RRP12: variants seen among roughly 807,000 people sequenced by gnomAD.
RRP12 encodes the protein ribosomal RNA processing 12 homolog, also known as RRP12-like protein.
A neutral mutation model predicts 157.3 loss-of-function variants in RRP12; 78 were observed. The observed-to-expected ratio is 0.50, with a 90% CI of 0.41 to 0.60. The LOEUF (loss-of-function observed/expected upper bound fraction) is 0.60. Among genes scored for constraint, RRP12 ranks in the 20% least tolerant of loss-of-function variants. The pLI, the probability that RRP12 is intolerant of heterozygous loss-of-function variation, is 0.00. For missense variants in RRP12, 1,521 were observed against 1,679.9 expected (o/e 0.91, Z 1.65); for synonymous variants, 726 against 670.9 (o/e 1.08, Z -1.27).
chr10:97,357,269 C>T, intron 33 of RRP12, 73 bp from the exon 34 acceptor site: 2 of 959,218 alleles, frequency 2.1e-6, no homozygotes, highest in Middle Eastern at 2.2e-4. Context: ...CAAATGATGG[C>T]TCACCCCCAG....
At chr10:97,358,726 G>GTCATATCCAAGAAA in intron 32 of RRP12, 107 bp from the exon 33 acceptor site, 1 of 934,258 alleles carries the variant, frequency 1.1e-6, no homozygotes, top group Non-Finnish European at 1.7e-6. Context: ...TGCCTTAGGT[G>GTCATATCCAAGAAA]GTGCCAAAGA....
intron 15 of RRP12, among the ~76,000 whole-genome samples, chr10:97,376,876 CTTTTCTTTT>C (rs1844323169): frequency 6.7e-6 from 1 of 150,220 alleles, no homozygotes; most frequent in Non-Finnish European, 1.5e-5. Context: ...CAATTTCTTT[CTTTTCTTTT>C]TTTTTTTTTT....
chr10:97,372,819 G>C lies in RRP12; in HGVS notation c.2182-16C>G. The stretch of plus-strand genomic sequence containing the variant: ...TGTTCACCAACTTGTGGCCCCGAGG[G>C]AATGAGGAGAAGAGAGTCATTGGGG... On this transcript the variant is annotated splice_polypyrimidine_tract_variant and intron_variant, in intron 18 of 33. Coordinates refer to ENST00000370992, the MANE Select transcript of RRP12 (RefSeq NM_015179.4). 6.4e-7 allele frequency: 1 copy of C among 1,556,544 alleles called. No homozygotes were observed. Among genetic ancestry groups the C allele is most frequent in the Non-Finnish European group, 8.7e-7 (1 of 1,149,266 alleles).
intron 15 of RRP12, 111 bp from the exon 16 acceptor site, chr10:97,374,005 TC>T (rs1844235023): frequency 3.9e-6 from 3 of 764,510 alleles, no homozygotes; most frequent in Non-Finnish European, 4.5e-6. Context: ...ATGGGTGACT[TC>T]CCCCCATCTC....
intron 2 of RRP12, 50 bp downstream of exon 2, chr10:97,400,254 TG>T (rs1845102140): frequency 7.4e-7 from 1 of 1,359,656 alleles, no homozygotes; most frequent in South Asian, 1.2e-5. Flanking sequence ...AGAAAAGGCA[TG>T]AGTTGGCCTC....
intron 25 of RRP12, among the ~76,000 whole-genome samples, chr10:97,368,530 G>C (rs886826397): frequency 6.7e-6 from 1 of 150,294 alleles, no homozygotes; most frequent in African/African-American, 2.5e-5. Flanking sequence ...GCTAATTTTT[G>C]TATTTTTAGT....
chr10:97,379,825 T>A (rs1311487557), intron 13 of RRP12, 55 bp from the exon 14 acceptor site: 2 of 1,537,122 alleles, frequency 1.3e-6, no homozygotes, highest in Non-Finnish European at 8.8e-7. Context: ...CAGGGACCCA[T>A]GACAAGACCC....
At chr10:97,376,711 AT>A (rs1019814998) in intron 15 of RRP12, among the ~76,000 whole-genome samples, 8 of 152,024 alleles carry the variant, frequency 5.3e-5, no homozygotes, top group African/African-American at 1.9e-4. Context: ...CAGAGCACCC[AT>A]CCCCCAACGG....
chr10:97,365,312 C>T (rs1461126899), intron 29 of RRP12, among the ~76,000 whole-genome samples: 3 of 139,414 alleles, frequency 2.2e-5, no homozygotes, highest in Admixed American at 1.6e-4. Flanking sequence ...TTCGCTCTGT[C>T]ACCCAGGCTG....
At chr10:97,366,350 T>C in intron 28 of RRP12, 96 bp downstream of exon 28, 1 of 1,560,338 alleles carries the variant, frequency 6.4e-7, no homozygotes, top group Non-Finnish European at 8.7e-7. Context: ...GCCCTGTCCA[T>C]GGGCCTGCCA....
chr10:97,386,126 C>T (rs1197286647), intron 8 of RRP12, 133 bp from the exon 9 acceptor site: 1 of 602,600 alleles, frequency 1.7e-6, no homozygotes, highest in African/African-American at 1.9e-5. Flanking sequence ...CAGAGACACC[C>T]TGAGGACTGC....
intron 2 of RRP12, among the ~76,000 whole-genome samples, chr10:97,397,624 T>C (rs1845004399): frequency 6.6e-6 from 1 of 151,846 alleles, no homozygotes; most frequent in Non-Finnish European, 1.5e-5. Flanking sequence ...AACTTATAAA[T>C]ATCGTTCAGT....
In RRP12 at chr10:97,367,033, G is replaced by GCA. The variant is rs752814650; in HGVS notation, c.3047+6_3047+7dup. ...TGCCCTACCCCCGCCCCTGCTCAGT[G>GCA]CACAGACCCAAACTTGCGGATGAAC... On this transcript the variant is annotated splice_region_variant and intron_variant, in intron 26 of 33. Transcript: ENST00000370992. 3 of 1,613,934 alleles carry GCA rather than the reference G, an allele frequency of 1.9e-6. No individual in the cohort carries two copies. In the South Asian group the frequency reaches 3.3e-5, roughly 18 times the overall value.
intron 15 of RRP12, among the ~76,000 whole-genome samples, chr10:97,378,811 T>C (rs1844380766): frequency 6.6e-6 from 1 of 152,052 alleles, no homozygotes; most frequent in Non-Finnish European, 1.5e-5. Flanking sequence ...GAGCCGAGAT[T>C]GCGCCACTGT....
At chr10:97,358,749 T>C in intron 32 of RRP12, 130 bp from the exon 33 acceptor site, 1 of 833,280 alleles carries the variant, frequency 1.2e-6, no homozygotes, top group Non-Finnish European at 2.0e-6. Flanking sequence ...TCCTGTATCC[T>C]TGGAAGGCCA....
chr10:97,373,111 T>C lies in RRP12; in HGVS notation c.2116A>G (p.Thr706Ala), dbSNP rs373471520. 3.1e-6 allele frequency: 5 copies of C among 1,613,652 alleles called. No individual in the cohort carries two copies. The African/African-American group carries it at 6.7e-5, about 22-fold the overall frequency. ...AGCACAGCCCGGCGAGGGGCTGGAG[T>C]GTCCCCGGCTGCCACGGGCTGCCCA... ...LYGQPVAAGD[T>A]PAPRRAVLET... The change falls in exon 18 of 34, where the codon ACT becomes GCT. Residue 706 changes from threonine to alanine, a missense_variant. By Grantham distance (58) the Thr-to-Ala change is moderately conservative (BLOSUM62 0). Coordinates refer to ENST00000370992, the MANE Select transcript of RRP12 (RefSeq NM_015179.4).
intron 30 of RRP12, among the ~76,000 whole-genome samples, 167 bp downstream of exon 30, chr10:97,363,687 C>T (rs899634255): frequency 2.0e-5 from 3 of 152,188 alleles, no homozygotes; most frequent in South Asian, 4.1e-4. Flanking sequence ...CCCTGTCCTG[C>T]CTGGCACCCA....
intron 23 of RRP12, 53 bp from the exon 24 acceptor site, chr10:97,370,327 G>C (rs1363726908): frequency 6.9e-7 from 1 of 1,444,844 alleles, no homozygotes; most frequent in African/African-American, 1.4e-5. Flanking sequence ...CAGGTAGGGG[G>C]GCTGAGGGCC....
chr10:97,359,072 A>G, intron 31 of RRP12, 62 bp from the exon 32 acceptor site: 1 of 1,288,390 alleles, frequency 7.8e-7, no homozygotes, highest in Non-Finnish European at 1.1e-6. Flanking sequence ...CCAGAAAGGC[A>G]ATGGGCACCC....
Sources: allele counts gnomAD v4.1 joint callset (sites outside exome capture counted in the v4.1 genomes callset), GRCh38; gene constraint gnomAD v4.1.1; transcripts MANE v1.5; gene names NCBI Gene and HGNC (gene_info 2026-07-23, HGNC 2026-07-21).